CDK11B: variants seen among roughly 807,000 people sequenced by gnomAD.
The protein encoded by CDK11B is cyclin dependent kinase 11B.
CDK11B carries 37 observed loss-of-function variants against 84.0 expected under a neutral mutation model. The ratio of observed to expected loss-of-function variants is 0.44; its 90% CI spans 0.34 to 0.58. The LOEUF (loss-of-function observed/expected upper bound fraction) is 0.58. CDK11B is among the 20% of genes least tolerant of loss of function. CDK11B has a pLI of 0.02. For missense variants in CDK11B, 427 were observed against 834.0 expected, an observed-to-expected ratio of 0.51 and a Z score of 6.01; for synonymous variants, 269 against 309.8, an observed-to-expected ratio of 0.87 and a Z score of 1.38.
rs1356209591 is a variant in CDK11B, at chr1:1,652,128, A to T, written c.355+311T>A. On this transcript the variant is annotated intron_variant, in intron 4 of 19. Coordinates refer to ENST00000341832, the MANE Select transcript of CDK11B (RefSeq NM_033486.3). ...GCATGCTTTCAGCTATTCTCTCTAT[A>T]GCCATTCTGAATGGTCTGTGACACA... Among the ~76,000 whole-genome samples, 159 of 148,826 alleles carry T rather than the reference A, an allele frequency of 1.1e-3. 1 individual carries two copies. Among genetic ancestry groups the T allele is most frequent in the African/African-American group, 3.7e-3 (150 of 40,062 alleles).
intron 18 of CDK11B, 87 bp from the exon 19 acceptor site, chr1:1,636,213 G>A: frequency 4.0e-6 from 4 of 1,011,636 alleles, no homozygotes; most frequent in Non-Finnish European, 4.3e-6. Context: ...CGGGGCTCAG[G>A]GCATGGGACG....
intron 4 of CDK11B, among the ~76,000 whole-genome samples, chr1:1,650,428 C>T (rs1193012310): frequency 3.5e-5 from 5 of 143,098 alleles, no homozygotes; most frequent in Admixed American, 7.0e-5. Flanking sequence ...TGCAGTGGCG[C>T]AATCTCGGCT....
At chr1:1,655,264 C>A (rs1642592437) in intron 3 of CDK11B, 105 bp downstream of exon 3, 23 of 1,376,362 alleles carry the variant, frequency 1.7e-5, no homozygotes, top group East Asian at 2.5e-5. Flanking sequence ...AAAGAGTAAA[C>A]CTTAATAGTT....
chr1:1,657,994 G>A (rs1301176932), intron 1 of CDK11B, among the ~76,000 whole-genome samples: 52 of 149,250 alleles, frequency 3.5e-4, no homozygotes, highest in South Asian at 2.1e-4. Context: ...CCAACACGGC[G>A]AAAACCCTGT....
intron 11 of CDK11B, among the ~76,000 whole-genome samples, chr1:1,638,881 G>C (rs1050051098): frequency 2.0e-5 from 3 of 151,556 alleles, no homozygotes; most frequent in Non-Finnish European, 4.4e-5. Context: ...CAGGAGGACT[G>C]CTTGAGCCCA....
Position 1,636,490 on chromosome 1 carries a change from C to T in CDK11B, c.1918-9G>A. The T allele has an allele frequency of 6.2e-7, 1 of 1,609,278 alleles. No individual in the cohort carries two copies. Among genetic ancestry groups the T allele is most frequent in the South Asian group, 1.1e-5 (1 of 90,418 alleles). On this transcript the variant is annotated splice_polypyrimidine_tract_variant and intron_variant, in intron 17 of 19. Transcript: ENST00000341832. The stretch of plus-strand genomic sequence containing the variant: ...CTAGGGGTCCCCAGATCCTGAAAGA[C>T]AGAGGTGCTTCAACAGCCACACCAA...
chr1:1,651,113 T>C (rs1443800347), intron 4 of CDK11B, among the ~76,000 whole-genome samples: 1 of 152,192 alleles, frequency 6.6e-6, no homozygotes, highest in Non-Finnish European at 1.5e-5. Flanking sequence ...CAGGTCCAAT[T>C]TTCCTAACAC....
intron 3 of CDK11B, among the ~76,000 whole-genome samples, chr1:1,654,947 C>G (rs192703663): frequency 6.6e-6 from 1 of 152,082 alleles, no homozygotes; most frequent in African/African-American, 2.4e-5. Context: ...CGTGAGCCAC[C>G]GCGCCCGGCC....
At position 1,636,675 on chromosome 1, in the gene CDK11B, G is replaced by A. The variant is rs780773250; in HGVS notation, c.1917+7C>T. 3.7e-6 allele frequency: 6 copies of A among 1,613,896 alleles called. No homozygotes were observed. The highest frequency in any genetic ancestry group is 5.1e-6 in the Non-Finnish European group (6 of 1,179,824). ...CCACAGCGCACCTGCAGCAGGGCCA[G>A]ACCCACCTTGAACACCTTGTTGATC... is the stretch of plus-strand genomic sequence containing the variant. On this transcript the variant is annotated splice_region_variant and intron_variant, in intron 17 of 19. Transcript: ENST00000341832.
intron 5 of CDK11B, among the ~76,000 whole-genome samples, chr1:1,648,308 C>G (rs1232158960): frequency 5.3e-5 from 8 of 151,702 alleles, no homozygotes; most frequent in Admixed American, 3.3e-4. Context: ...ACAAGACACA[C>G]TCAATGTCTG....
chr1:1,649,162 G>T (rs369841270), intron 5 of CDK11B, among the ~76,000 whole-genome samples: 1 of 152,012 alleles, frequency 6.6e-6, no homozygotes, highest in African/African-American at 2.4e-5. Context: ...TGCAGTGGCG[G>T]GATCTCAGCT....
chr1:1,650,939 T>C (rs1641927895), intron 4 of CDK11B, among the ~76,000 whole-genome samples: 2 of 152,180 alleles, frequency 1.3e-5, no homozygotes, highest in Non-Finnish European at 2.9e-5. Context: ...CTTTTAAAAC[T>C]TTTCCATACT....
Position 1,649,352 on chromosome 1 carries a change from C to T in CDK11B, c.494+147G>A, listed in dbSNP as rs1453299512. The T allele has an allele frequency of 1.3e-3, 773 of 597,080 alleles. 9 individuals are homozygous for T. Among genetic ancestry groups the T allele is most frequent in the South Asian group, 0.012 (545 of 46,622 alleles). 37.0% of individuals were successfully genotyped at this position (597,080 alleles called of 1,614,324 possible). A position where few individuals can be genotyped will look rare whatever the true frequency, so the allele number is the denominator to read the frequency against. The stretch of plus-strand genomic sequence containing the variant: ...TCCTCACCTCATGATCCGCCCACCT[C>T]GGCCTCCCAAAGTGCTGGGATTACA... On this transcript the variant is annotated intron_variant, in intron 5 of 19. Coordinates refer to ENST00000341832, the MANE Select transcript of CDK11B (RefSeq NM_033486.3).
Position 1,649,605 on chromosome 1 carries a change from CTCTT to C in CDK11B, c.384_387del (p.Arg129SerfsTer42), listed in dbSNP as rs1257962534. 8 of 1,609,536 alleles carry C rather than the reference CTCTT, an allele frequency of 5.0e-6. No homozygotes were observed. Among genetic ancestry groups the C allele is most frequent in the Non-Finnish European group, 6.0e-6 (7 of 1,176,048 alleles). ...CGATGCCGTTTCCGACGTTCGTGCT[CTCTT>C]TCTTTTTCTTTCACTCTAGCATGCT... On this transcript the variant is annotated frameshift_variant, in exon 5 of 20. Transcript: ENST00000341832. LOFTEE classifies it high-confidence loss of function.
chr1:1,651,714 C>G (rs1160096599), intron 4 of CDK11B, among the ~76,000 whole-genome samples: 14 of 151,986 alleles, frequency 9.2e-5, no homozygotes, highest in Non-Finnish European at 1.8e-4. Flanking sequence ...TCTGAATGGT[C>G]TGTGACACAC....
At chr1:1,649,470 A>G in intron 5 of CDK11B, 29 bp downstream of exon 5, 4 of 1,490,262 alleles carry the variant, frequency 2.7e-6, no homozygotes, top group Non-Finnish European at 2.8e-6. Flanking sequence ...GCCCTTTTAT[A>G]AAGTCCTCAA....
At chr1:1,647,312 G>A (rs1264208241) in intron 5 of CDK11B, among the ~76,000 whole-genome samples, 1 of 152,252 alleles carries the variant, frequency 6.6e-6, no homozygotes, top group Admixed American at 6.5e-5. Context: ...TTGTATTTTA[G>A]ATAATACATT....
At chr1:1,649,103 T>A (rs911640785) in intron 5 of CDK11B, among the ~76,000 whole-genome samples, 14 of 150,960 alleles carry the variant, frequency 9.3e-5, no homozygotes, top group African/African-American at 2.7e-4. Context: ...AAATGTGACT[T>A]CTTCTTTTTT....
At position 1,640,417 on chromosome 1, in the gene CDK11B, T is replaced by C. The variant is rs1640096554; in HGVS notation, c.1111A>G (p.Ser371Gly). 6.2e-7 allele frequency: 1 copy of C among 1,613,462 alleles called. No homozygotes were observed. Among genetic ancestry groups the C allele is most frequent in the Non-Finnish European group, 8.5e-7 (1 of 1,179,624 alleles). ...ESRFDRDSGE[S>G]EEAEEEVGEG... ...CCCACTTCTTCCTCTGCTTCTTCAC[T>C]CTCCCCGGAATCTCGGTCGAACCGT... The change falls in exon 11 of 20, where the codon AGT (serine) becomes GGT (glycine). Residue 371 changes from serine (S) to glycine (G), a missense_variant. Ser to Gly is a moderately conservative substitution (Grantham distance 56). Transcript: ENST00000341832.
Sources: allele counts gnomAD v4.1 joint callset (sites outside exome capture counted in the v4.1 genomes callset), GRCh38; gene constraint gnomAD v4.1.1; transcripts MANE v1.5; gene names NCBI Gene and HGNC (gene_info 2026-07-23, HGNC 2026-07-21).